The following CFAP43 variants were observed in gnomAD, a reference collection of about 807,000 sequenced individuals.
CFAP43 encodes cilia and flagella associated protein 43.
In CFAP43, 155 loss-of-function variants were observed where a neutral mutation model predicts 218.9. The observed-to-expected ratio is 0.71, with a 90% CI of 0.62 to 0.81. CFAP43 has a LOEUF of 0.81. CFAP43 is among the 30% of genes least tolerant of loss of function. CFAP43 has a pLI of 0.00. For synonymous variants in CFAP43, 645 were observed against 681.3 expected (o/e 0.95, Z 0.83); for missense variants, 1,778 against 1,954.3 (o/e 0.91, Z 1.70).
At chr10:104,163,952 GC>G (rs764403110) in intron 24 of CFAP43, 141 bp downstream of exon 24, 42 of 747,836 alleles carry the variant, frequency 5.6e-5, no homozygotes, top group Middle Eastern at 2.9e-4. Flanking sequence ...CATTGCTGAG[GC>G]TACATCATGT....
At chr10:104,190,943 C>T (rs2090190397) in intron 12 of CFAP43, among the ~76,000 whole-genome samples, 1 of 152,190 alleles carries the variant, frequency 6.6e-6, no homozygotes, top group African/African-American at 2.4e-5. Context: ...ATAGTAGTAT[C>T]AATTTCATGA....
chr10:104,170,064 T>A (rs1279539923), intron 20 of CFAP43, among the ~76,000 whole-genome samples: 1 of 152,296 alleles, frequency 6.6e-6, no homozygotes, highest in East Asian at 1.9e-4. Context: ...TCCCAAGGAC[T>A]AGTATTCTGA....
At position 104,146,260 on chromosome 10, in the gene CFAP43, C is replaced by A; in HGVS notation, c.3855+3G>T. On this transcript the variant is annotated splice_donor_region_variant and intron_variant, in intron 30 of 37. Coordinates refer to ENST00000357060, the MANE Select transcript of CFAP43 (RefSeq NM_025145.7). ...GTTGAGTGGGTAAGACAACAACTCT[C>A]ACTTTGTCTTCTGCCAGTAAGTTGT... The A allele has an allele frequency of 1.2e-6, 2 of 1,612,522 alleles. No homozygotes were observed. Among genetic ancestry groups the A allele is most frequent in the South Asian group, 2.2e-5 (2 of 91,014 alleles).
chr10:104,186,071 T>A lies in CFAP43; in HGVS notation c.1913A>T (p.Gln638Leu). Residue 638 changes from glutamine to leucine, a missense_variant, in exon 15 of 38, where the codon CAG becomes CTG. By Grantham distance (113) the Gln-to-Leu change is moderately radical. Around this residue, in one of 3 missense-constraint regions of CFAP43, gnomAD observed 1,553 missense variants for 1,685.2 expected, o/e 0.92. Coordinates refer to ENST00000357060, the MANE Select transcript of CFAP43 (RefSeq NM_025145.7). ...CAGATAGAGCAGTCCAGGTCCATAC[T>A]GTCTGCTTTGTACTTTTTTGTATGG... ...LKPYKKVQSR[Q>L]YGPGLLYLSS... The A allele has an allele frequency of 6.3e-7, 1 of 1,583,538 alleles. No homozygotes were observed. Among genetic ancestry groups the A allele is most frequent in the South Asian group, 1.2e-5 (1 of 85,462 alleles).
chr10:104,207,860 C>T, intron 5 of CFAP43, 36 bp from the exon 6 acceptor site: 2 of 1,579,376 alleles, frequency 1.3e-6, no homozygotes, highest in Non-Finnish European at 1.7e-6. Flanking sequence ...GTTAAGAAAA[C>T]AATCACGGCT....
At chr10:104,175,903 T>TGA (rs1554875126) in intron 19 of CFAP43, among the ~76,000 whole-genome samples, 1 of 152,206 alleles carries the variant, frequency 6.6e-6, no homozygotes, top group Non-Finnish European at 1.5e-5. Flanking sequence ...TCATACATAC[T>TGA]TATATATATA....
intron 17 of CFAP43, among the ~76,000 whole-genome samples, chr10:104,182,160 G>A (rs1457827819): frequency 6.6e-6 from 1 of 152,148 alleles, no homozygotes. Flanking sequence ...GTTTAAATGA[G>A]ATCTGAAATG....
intron 27 of CFAP43, among the ~76,000 whole-genome samples, chr10:104,156,330 A>G (rs899966724): frequency 2.0e-5 from 3 of 152,302 alleles, no homozygotes; most frequent in African/African-American, 7.2e-5. Flanking sequence ...ATGTTGGTGT[A>G]TTCTTAGCGG....
At chr10:104,157,613 T>G (rs1187366180) in intron 27 of CFAP43, among the ~76,000 whole-genome samples, 2 of 152,032 alleles carry the variant, frequency 1.3e-5, no homozygotes, top group Non-Finnish European at 2.9e-5. Context: ...AATCAGTAAG[T>G]ATATGTGTAT....
chr10:104,142,456 T>A, intron 32 of CFAP43, 63 bp from the exon 33 acceptor site: 1 of 1,242,318 alleles, frequency 8.0e-7, no homozygotes, highest in South Asian at 1.5e-5. Context: ...ACAACATACA[T>A]CTTTTAACTT....
At chr10:104,210,400 G>A (rs192308379) in intron 5 of CFAP43, among the ~76,000 whole-genome samples, 9 of 152,222 alleles carry the variant, frequency 5.9e-5, no homozygotes, top group South Asian at 4.1e-4. Context: ...ACGGAGTCTC[G>A]CTGTCACCCA....
At chr10:104,168,933 G>T in intron 20 of CFAP43, 85 bp from the exon 21 acceptor site, 1 of 1,038,634 alleles carries the variant, frequency 9.6e-7, no homozygotes, top group Non-Finnish European at 1.5e-6. Context: ...TCACTAAGTA[G>T]CCATTAACTG....
chr10:104,143,993 G>A (rs1476704229), intron 31 of CFAP43, among the ~76,000 whole-genome samples: 1 of 152,196 alleles, frequency 6.6e-6, no homozygotes, highest in African/African-American at 2.4e-5. Context: ...GTACAGTGGT[G>A]AGCCACCACC....
intron 2 of CFAP43, among the ~76,000 whole-genome samples, chr10:104,228,063 T>G (rs1202521655): frequency 6.6e-6 from 1 of 152,018 alleles, no homozygotes; most frequent in African/African-American, 2.4e-5. Context: ...AGGATGGTCT[T>G]GATCTCCTGA....
At chr10:104,151,586 A>G (rs989158678) in intron 28 of CFAP43, among the ~76,000 whole-genome samples, 1 of 151,956 alleles carries the variant, frequency 6.6e-6, no homozygotes, top group African/African-American at 2.4e-5. Context: ...ACCACTTTTT[A>G]ATGGGGTTGT....
At chr10:104,179,719 T>C in intron 18 of CFAP43, 121 bp downstream of exon 18, 1 of 730,538 alleles carries the variant, frequency 1.4e-6, no homozygotes, top group Non-Finnish European at 2.4e-6. Context: ...TATGTTGTAA[T>C]GCTCTGCCAA....
intron 28 of CFAP43, among the ~76,000 whole-genome samples, chr10:104,149,424 T>C (rs1001306670): frequency 3.9e-5 from 6 of 152,200 alleles, no homozygotes; most frequent in South Asian, 2.1e-4. Context: ...TCATCTACTA[T>C]TTGGTTTCAA....
chr10:104,182,743 G>T (rs907317784), intron 16 of CFAP43, among the ~76,000 whole-genome samples: 5 of 151,792 alleles, frequency 3.3e-5, no homozygotes, highest in South Asian at 2.1e-4. Flanking sequence ...AAAGGGTCTT[G>T]CTCTGTCACC....
intron 20 of CFAP43, among the ~76,000 whole-genome samples, chr10:104,170,222 G>C (rs2134840456): frequency 6.6e-6 from 1 of 152,074 alleles, no homozygotes; most frequent in South Asian, 2.1e-4. Context: ...ACAATATGAG[G>C]GAAACTAGCA....
Sources: allele counts gnomAD v4.1 joint callset (sites outside exome capture counted in the v4.1 genomes callset), GRCh38; gene constraint gnomAD v4.1.1; regional missense constraint gnomAD v4.1.1; transcripts MANE v1.5; gene names NCBI Gene and HGNC (gene_info 2026-07-23, HGNC 2026-07-21).